The following NBPF8 variants were observed in gnomAD, a reference collection of about 807,000 sequenced individuals.
The protein encoded by NBPF8 is NBPF family member NBPF8.
chr1:120,435,694 G>T (rs28624891), upstream of NBPF8, among the ~76,000 whole-genome samples: 1 of 141,884 alleles, frequency 7.0e-6, no homozygotes, highest in Non-Finnish European at 1.6e-5. Flanking sequence ...TACAAAAAAA[G>T]AAAAAAAAAA....
At chr1:120,432,962 A>G (rs1275117217), upstream of NBPF8, 2 of 152,134 alleles carry the variant, frequency 1.3e-5, no homozygotes, top group African/African-American at 4.8e-5. Context: ...CTAGAAAATG[A>G]AATTCAATAA....
At chr1:120,436,340 T>C, upstream of NBPF8, 7 of 1,535,472 alleles carry the variant, frequency 4.6e-6, no homozygotes, top group East Asian at 2.4e-5. Context: ...GTTTTTGTGG[T>C]GAAGGATCCT....
In NBPF8 at chr1:120,466,250, T is replaced by C. The variant is rs1442656985; in HGVS notation, n.3841T>C. 5 of 1,605,546 alleles carry C rather than the reference T, an allele frequency of 3.1e-6. No homozygotes were observed. In the Admixed American group the frequency reaches 6.7e-5, roughly 21 times the overall value. On this transcript the variant is annotated non_coding_transcript_exon_variant, in exon 25 of 25. Transcript: ENST00000583271. ...GCCCTTACTAAGCCGAGAGGTGTCA[T>C]TCCTGCAGGCAGGACCTATAGGCGC...
At chr1:120,453,227 G>T in intron 13 of NBPF8, 145 bp from the exon 12 acceptor site, 1 of 501,564 alleles carries the variant, frequency 2.0e-6, no homozygotes, top group Non-Finnish European at 3.6e-6. Flanking sequence ...CCATGCCAGG[G>T]CATTCTGTTA....
intron 16 of NBPF8, among the ~76,000 whole-genome samples, chr1:120,457,750 T>C (rs1661484348): frequency 1.5e-5 from 1 of 67,860 alleles, no homozygotes. Context: ...TATATATATA[T>C]ATACATACAC....
rs1252738710 is a variant in NBPF8 at position 120,463,049 on chromosome 1, T to C, written n.3234+83T>C. ...TATTCCTGTTCCAAGTGGCCCTTAC[T>C]GACCCGAGAGATGTCATTGCCGCAG... On this transcript the variant is annotated intron_variant and non_coding_transcript_variant, in intron 21 of 24. Transcript: ENST00000583271. 3 of 625,260 alleles carry C rather than the reference T, an allele frequency of 4.8e-6. No individual in the cohort carries two copies. The African/African-American group carries it at 5.6e-5, about 12-fold the overall frequency. 38.7% of individuals were successfully genotyped at this position (625,260 alleles called of 1,614,324 possible).
chr1:120,469,350 G>T, downstream of NBPF8, among the ~76,000 whole-genome samples: 2 of 142,584 alleles, frequency 1.4e-5, no homozygotes, highest in African/African-American at 5.3e-5. Context: ...ATTGCATGAG[G>T]CCCACCCCTA....
At chr1:120,435,595 G>A (rs1409066689), upstream of NBPF8, among the ~76,000 whole-genome samples, 1 of 146,194 alleles carries the variant, frequency 6.8e-6, no homozygotes, top group Non-Finnish European at 1.5e-5. Flanking sequence ...TGTAATCCCA[G>A]TACTTTGGGA....
At chr1:120,419,339 C>T (rs1324800092), upstream of NBPF8, among the ~76,000 whole-genome samples, 1 of 152,170 alleles carries the variant, frequency 6.6e-6, no homozygotes, top group Non-Finnish European at 1.5e-5. Flanking sequence ...CCAGATAGAC[C>T]AGTAGATGAG....
chr1:120,436,031 T>A (rs1405434391), upstream of NBPF8, among the ~76,000 whole-genome samples: 2 of 152,102 alleles, frequency 1.3e-5, no homozygotes, highest in Non-Finnish European at 2.9e-5. Context: ...CTTAGATGTA[T>A]TGGGAAAGAC....
upstream of NBPF8, chr1:120,432,263 T>G (rs1228795876): frequency 8.0e-6 from 1 of 124,590 alleles, no homozygotes; most frequent in Non-Finnish European, 1.7e-5. Flanking sequence ...AAATGGCTCC[T>G]GTTAAGAATG....
chr1:120,460,475 A>T (rs1661549808), intron 17 of NBPF8, 98 bp from the exon 16 acceptor site: 7 of 821,162 alleles, frequency 8.5e-6, no homozygotes, highest in Non-Finnish European at 1.3e-5. Context: ...TCACATTGAC[A>T]AGACTGATGT....
At chr1:120,468,250 C>T (rs1661801934), downstream of NBPF8, among the ~76,000 whole-genome samples, 1 of 151,046 alleles carries the variant, frequency 6.6e-6, no homozygotes. Context: ...CTTGCCCCTA[C>T]CTTGGTTTTT....
chr1:120,419,121 C>G (rs1333759323), upstream of NBPF8, among the ~76,000 whole-genome samples: 1 of 152,174 alleles, frequency 6.6e-6, no homozygotes, highest in South Asian at 2.1e-4. Flanking sequence ...CCATATTCAA[C>G]AATCTCCAAG....
chr1:120,462,867 C>T (rs1469925282), exon 21 of NBPF8: 3 of 408,408 alleles, frequency 7.3e-6, no homozygotes, highest in Non-Finnish European at 8.3e-6. Flanking sequence ...TTATTCGACT[C>T]CTTCAGGTTA....
intron 24 of NBPF8, 134 bp from the exon 23 acceptor site, chr1:120,465,844 T>A: frequency 1.9e-6 from 3 of 1,590,832 alleles, no homozygotes; most frequent in Non-Finnish European, 2.6e-6. Flanking sequence ...ATAAAGGCAA[T>A]AATTTGTTAC....
At chr1:120,468,330 T>C (rs1237989885), downstream of NBPF8, among the ~76,000 whole-genome samples, 1 of 151,886 alleles carries the variant, frequency 6.6e-6, no homozygotes, top group Non-Finnish European at 1.5e-5. Context: ...AGTCATCACT[T>C]GCTGAGTGGT....
chr1:120,454,438 A>ATGTCCATGGAG (rs1661376814), intron 15 of NBPF8, among the ~76,000 whole-genome samples: 1 of 151,850 alleles, frequency 6.6e-6, no homozygotes, highest in African/African-American at 2.4e-5. Flanking sequence ...TCCCTGAACA[A>ATGTCCATGGAG]TGTCCATGGA....
At chr1:120,433,798 T>C (rs1660979176), upstream of NBPF8, 6 of 176,592 alleles carry the variant, frequency 3.4e-5, no homozygotes, top group South Asian at 6.7e-4. Context: ...GCTCCACCGA[T>C]GCTCTTCATA....
Sources: allele counts gnomAD v4.1 joint callset (sites outside exome capture counted in the v4.1 genomes callset), GRCh38; gene constraint gnomAD v4.1.1; transcripts MANE v1.5; gene names NCBI Gene and HGNC (gene_info 2026-07-23, HGNC 2026-07-21).